The following IL1RAPL1 variants were observed in gnomAD, a reference collection of about 807,000 sequenced individuals.
IL1RAPL1 encodes the protein interleukin 1 receptor accessory protein like 1, also known as interleukin-1 receptor accessory protein-like 1.
A neutral mutation model predicts 48.4 loss-of-function variants in IL1RAPL1; 3 were observed. That is an observed-to-expected ratio of 0.06 (90% CI 0.03 to 0.16). The LOEUF is 0.16. Ranked by LOEUF, IL1RAPL1 falls within the 10% of genes least tolerant of loss-of-function variation. IL1RAPL1 has a pLI of 1.00. For synonymous variants in IL1RAPL1, 185 were observed against 187.7 expected (o/e 0.99, Z 0.12); for missense variants, 349 against 530.6 (o/e 0.66, Z 3.36).
chrX:28,897,187 A>C (rs1922943210), intron 2 of IL1RAPL1, among the ~76,000 whole-genome samples: 1 of 103,890 alleles, frequency 9.6e-6, no homozygotes, highest in South Asian at 4.4e-4. Context: ...CCAGAAAAGC[A>C]GAGAAGGGGT....
chrX:28,749,092 A>G (rs1188499358), intron 1 of IL1RAPL1, among the ~76,000 whole-genome samples: 1 of 112,174 alleles, frequency 8.9e-6, no homozygotes, highest in Non-Finnish European at 1.9e-5. Flanking sequence ...ATGACAGGAT[A>G]TCATCCCTTG....
At chrX:29,615,908 A>T (rs907274647) in intron 5 of IL1RAPL1, among the ~76,000 whole-genome samples, 14 of 111,583 alleles carry the variant, frequency 1.3e-4, no homozygotes, top group African/African-American at 4.6e-4. Flanking sequence ...TAGGATTCTT[A>T]TCTGTAAAAT....
At chrX:28,899,627 A>G (rs1923023843) in intron 2 of IL1RAPL1, among the ~76,000 whole-genome samples, 1 of 112,237 alleles carries the variant, frequency 8.9e-6, no homozygotes, top group Non-Finnish European at 1.9e-5. Flanking sequence ...ATCACATCCC[A>G]TTAGGTCAAG....
At chrX:29,647,839 C>T (rs1274138729) in intron 5 of IL1RAPL1, among the ~76,000 whole-genome samples, 1 of 111,299 alleles carries the variant, frequency 9.0e-6, no homozygotes, top group Admixed American at 9.5e-5. Flanking sequence ...TTAAATTATC[C>T]AGTCAAAGAT....
intron 8 of IL1RAPL1, among the ~76,000 whole-genome samples, chrX:29,937,827 G>C (rs979250012): frequency 9.0e-6 from 1 of 111,657 alleles, no homozygotes; most frequent in African/African-American, 3.3e-5. Context: ...ATGCTCTCAG[G>C]ATCTCAGGAT....
intron 2 of IL1RAPL1, among the ~76,000 whole-genome samples, chrX:28,878,316 G>C (rs1051012970): frequency 3.6e-5 from 4 of 111,759 alleles, no homozygotes; most frequent in African/African-American, 1.3e-4. Context: ...AGTGAGCAAA[G>C]TTAGGAAGAA....
intron 2 of IL1RAPL1, among the ~76,000 whole-genome samples, chrX:29,021,603 T>G (rs1926370585): frequency 8.9e-6 from 1 of 112,274 alleles, no homozygotes; most frequent in African/African-American, 3.2e-5. Flanking sequence ...CTAGAATTTT[T>G]GTCATAGAAA....
intron 2 of IL1RAPL1, among the ~76,000 whole-genome samples, chrX:28,820,358 C>T (rs1191297201): frequency 1.8e-5 from 2 of 109,875 alleles, no homozygotes; most frequent in Non-Finnish European, 3.8e-5. Context: ...ATGTCTGTGA[C>T]GATGAAGTGA....
At chrX:28,778,269 A>G (rs1321647657) in intron 1 of IL1RAPL1, among the ~76,000 whole-genome samples, 1 of 112,319 alleles carries the variant, frequency 8.9e-6, no homozygotes, top group Non-Finnish European at 1.9e-5. Context: ...GCAATAAATA[A>G]TAAATTCCTC....
At chrX:29,648,656 T>TTCTA (rs1488111191) in intron 5 of IL1RAPL1, among the ~76,000 whole-genome samples, 1 of 111,819 alleles carries the variant, frequency 8.9e-6, no homozygotes, top group Admixed American at 9.5e-5. Context: ...TAGGAAAGTT[T>TTCTA]ATAACAATAA....
At chrX:29,451,261 C>A (rs1934676239) in intron 5 of IL1RAPL1, among the ~76,000 whole-genome samples, 2 of 108,227 alleles carry the variant, frequency 1.8e-5, no homozygotes, top group Non-Finnish European at 3.8e-5. Context: ...GTGGTGCGAT[C>A]TTGGCTCACT....
At chrX:29,364,753 A>T (rs926723907) in intron 3 of IL1RAPL1, among the ~76,000 whole-genome samples, 1 of 110,807 alleles carries the variant, frequency 9.0e-6, no homozygotes, top group Non-Finnish European at 1.9e-5. Context: ...TACTTAAAGT[A>T]TACAGGAGGA....
At chrX:29,943,843 T>G (rs1461959671) in intron 9 of IL1RAPL1, among the ~76,000 whole-genome samples, 1 of 112,207 alleles carries the variant, frequency 8.9e-6, no homozygotes, top group Admixed American at 9.4e-5. Flanking sequence ...TCCTGCTAAT[T>G]GTAAACACTT....
chrX:29,300,011 T>C (rs1336795159), intron 3 of IL1RAPL1, among the ~76,000 whole-genome samples: 2 of 111,572 alleles, frequency 1.8e-5, no homozygotes, highest in Non-Finnish European at 3.8e-5. Context: ...TCTGCTCTCA[T>C]CATGTGATCT....
intron 8 of IL1RAPL1, among the ~76,000 whole-genome samples, chrX:29,930,229 T>C (rs1932931240): frequency 8.9e-6 from 1 of 112,115 alleles, no homozygotes; most frequent in African/African-American, 3.2e-5. Flanking sequence ...AGCTCCACAG[T>C]GGTGTTTAAA....
chrX:29,190,007 CCTGA>C (rs1422026354), intron 2 of IL1RAPL1, among the ~76,000 whole-genome samples: 1 of 111,334 alleles, frequency 9.0e-6, no homozygotes, highest in Admixed American at 9.6e-5. Flanking sequence ...TTGTTTCAAT[CCTGA>C]CTATCACTCA....
chrX:28,844,973 C>A (rs1464711513), intron 2 of IL1RAPL1, among the ~76,000 whole-genome samples: 1 of 111,555 alleles, frequency 9.0e-6, no homozygotes, highest in African/African-American at 3.3e-5. Flanking sequence ...TTACCTATAT[C>A]TTGAGTGATT....
At chrX:29,330,327 C>T (rs1367329746) in intron 3 of IL1RAPL1, among the ~76,000 whole-genome samples, 2 of 111,744 alleles carry the variant, frequency 1.8e-5, no homozygotes, top group Non-Finnish European at 3.8e-5. Context: ...AATGACTAGT[C>T]CAAGGTAGCA....
intron 2 of IL1RAPL1, among the ~76,000 whole-genome samples, chrX:29,163,481 G>T (rs917481120): frequency 9.0e-6 from 1 of 111,707 alleles, no homozygotes; most frequent in African/African-American, 3.3e-5. Context: ...AGGTGTTCCA[G>T]CTCAGAGCAA....
Sources: gnomAD v4.1 joint callset for allele counts (sites outside exome capture counted in the v4.1 genomes callset) on GRCh38, gnomAD v4.1.1 for gene constraint, MANE v1.5 for transcripts, NCBI Gene and HGNC (gene_info 2026-07-23, HGNC 2026-07-21) for gene names.